Variants in OPCML observed in about 807,000 individuals in gnomAD.
OPCML encodes the protein opioid binding protein/cell adhesion molecule like.
A neutral mutation model predicts 37.8 loss-of-function variants in OPCML; 13 were observed. That is an observed-to-expected ratio of 0.34 (90% CI 0.22 to 0.55). The LOEUF (loss-of-function observed/expected upper bound fraction) is 0.55, where lower values mean the gene tolerates loss of function less well. OPCML is among the 20% of genes least tolerant of loss of function. The pLI is 0.91. For missense variants in OPCML, 341 were observed against 435.6 expected (o/e 0.78, Z 1.93); for synonymous variants, 176 against 168.8 (o/e 1.04, Z -0.33).
At chr11:133,055,475 A>G (rs1353210418) in intron 1 of OPCML, among the ~76,000 whole-genome samples, 1 of 149,912 alleles carries the variant, frequency 6.7e-6, no homozygotes, top group Admixed American at 6.6e-5. Context: ...AGCCGCCTCT[A>G]CCGTACAATG....
intron 1 of OPCML, among the ~76,000 whole-genome samples, chr11:133,203,407 A>T (rs915285783): frequency 6.6e-6 from 1 of 152,186 alleles, no homozygotes; most frequent in Non-Finnish European, 1.5e-5. Context: ...CTTGCCTCAC[A>T]GTATGGTATG....
At chr11:132,922,849 G>T (rs554119381) in intron 2 of OPCML, among the ~76,000 whole-genome samples, 1 of 152,056 alleles carries the variant, frequency 6.6e-6, no homozygotes, top group African/African-American at 2.4e-5. Flanking sequence ...GAGGTGGAAG[G>T]ATCTCTTGAG....
At chr11:132,453,750 T>C (rs1193803350) in intron 4 of OPCML, among the ~76,000 whole-genome samples, 2 of 152,166 alleles carry the variant, frequency 1.3e-5, no homozygotes, top group Non-Finnish European at 2.9e-5. Context: ...CAGGCAGTGC[T>C]CAAAGAAGCC....
At chr11:133,094,112 A>G (rs1948960015) in intron 1 of OPCML, among the ~76,000 whole-genome samples, 2 of 152,174 alleles carry the variant, frequency 1.3e-5, no homozygotes, top group South Asian at 4.1e-4. Flanking sequence ...TTTCAGTAAA[A>G]AAAAATATGC....
At chr11:132,829,647 T>C (rs61906879) in intron 2 of OPCML, among the ~76,000 whole-genome samples, 45,733 of 152,118 alleles carry the variant, frequency 0.3, 8,037 homozygotes, top group Non-Finnish European at 0.41. Flanking sequence ...AGCAGCCTCA[T>C]GTCTCAGCTC....
chr11:132,558,486 T>C (rs1591549372), intron 3 of OPCML, among the ~76,000 whole-genome samples: 1 of 46,306 alleles, frequency 2.2e-5, no homozygotes, highest in African/African-American at 9.9e-5. Flanking sequence ...CCTCCACTCC[T>C]CCTCCTCCCC....
chr11:132,799,936 A>G (rs1938550285), intron 2 of OPCML, among the ~76,000 whole-genome samples: 1 of 152,194 alleles, frequency 6.6e-6, no homozygotes, highest in African/African-American at 2.4e-5. Context: ...TGTGAACATT[A>G]TTATCAGCTT....
intron 1 of OPCML, among the ~76,000 whole-genome samples, chr11:132,988,821 T>C (rs1258289281): frequency 6.6e-6 from 1 of 152,220 alleles, no homozygotes; most frequent in African/African-American, 2.4e-5. Context: ...TTCATATAAC[T>C]GACAAAAATT....
chr11:133,130,899 T>A (rs1394510014), intron 1 of OPCML, among the ~76,000 whole-genome samples: 1 of 151,652 alleles, frequency 6.6e-6, no homozygotes, highest in African/African-American at 2.4e-5. Flanking sequence ...AAAAAAAAAA[T>A]GAATCTAGAC....
At chr11:132,510,600 GT>G (rs1183413100) in intron 4 of OPCML, among the ~76,000 whole-genome samples, 1 of 152,106 alleles carries the variant, frequency 6.6e-6, no homozygotes, top group Non-Finnish European at 1.5e-5. Context: ...GATCTGATGG[GT>G]TTATCAGGGC....
At chr11:132,516,946 T>C (rs771938273) in intron 4 of OPCML, among the ~76,000 whole-genome samples, 18 of 152,092 alleles carry the variant, frequency 1.2e-4, no homozygotes, top group African/African-American at 1.7e-4. Context: ...CAGCCACAAG[T>C]TCTTCAACCC....
intron 1 of OPCML, among the ~76,000 whole-genome samples, chr11:133,153,827 C>A (rs1950020559): frequency 6.6e-6 from 1 of 152,142 alleles, no homozygotes. Context: ...GACTACCCCA[C>A]AGATGTGAAG....
At chr11:133,415,587 A>T (rs1372578808) in intron 1 of OPCML, among the ~76,000 whole-genome samples, 1 of 152,180 alleles carries the variant, frequency 6.6e-6, no homozygotes, top group Non-Finnish European at 1.5e-5. Flanking sequence ...CCCATCCATG[A>T]TCAGCAGAAC....
At chr11:132,469,468 G>GC (rs1251132694) in intron 4 of OPCML, among the ~76,000 whole-genome samples, 1 of 149,698 alleles carries the variant, frequency 6.7e-6, no homozygotes, top group Non-Finnish European at 1.5e-5. Flanking sequence ...GTGCCTGTGT[G>GC]CCTGTGTGTG....
chr11:133,069,671 A>G (rs1169896457), intron 1 of OPCML, among the ~76,000 whole-genome samples: 2 of 152,214 alleles, frequency 1.3e-5, no homozygotes, highest in Admixed American at 1.3e-4. Flanking sequence ...AAGTTTCCAA[A>G]GTGGACAAAT....
At chr11:132,490,604 G>C (rs1453457348) in intron 4 of OPCML, among the ~76,000 whole-genome samples, 2 of 152,128 alleles carry the variant, frequency 1.3e-5, no homozygotes, top group East Asian at 3.9e-4. Flanking sequence ...GGATCGTGAG[G>C]TCAGGAGATC....
intron 2 of OPCML, among the ~76,000 whole-genome samples, chr11:132,716,067 A>C (rs572155045): frequency 1.5e-4 from 23 of 152,376 alleles, no homozygotes; most frequent in African/African-American, 5.5e-4. Context: ...CTAACACCAA[A>C]TACAATTTAT....
chr11:133,005,966 T>A, intron 1 of OPCML: 1 of 985,388 alleles, frequency 1.0e-6, no homozygotes, highest in Non-Finnish European at 1.2e-6. Flanking sequence ...CCAGGACAAG[T>A]TCTAAAAGGG....
In OPCML at chr11:133,384,691, C is replaced by T. The variant is rs1245472012; in HGVS notation, c.61+147573G>A. 5.9e-5 allele frequency among the ~76,000 whole-genome samples: 9 copies of T among 152,238 alleles called. No homozygotes were observed. In the South Asian group the frequency reaches 1.2e-3, roughly 21 times the overall value. Reference sequence around the variant, plus strand: ...TCCAAAGCATCCTGCCACTGACAGGCTGAGAGCCTGGCTGGAGACCAGCCT... The same window carrying T: ...TCCAAAGCATCCTGCCACTGACAGGTTGAGAGCCTGGCTGGAGACCAGCCT... On this transcript the variant is annotated intron_variant, in intron 1 of 7. Coordinates refer to ENST00000524381, the MANE Select transcript of OPCML (RefSeq NM_001012393.5).
Sources: allele counts gnomAD v4.1 joint callset (sites outside exome capture counted in the v4.1 genomes callset), GRCh38; gene constraint gnomAD v4.1.1; transcripts MANE v1.5; gene names NCBI Gene and HGNC (gene_info 2026-07-23, HGNC 2026-07-21).